CACNA2D3: variants seen among roughly 807,000 people sequenced by gnomAD.
The protein encoded by CACNA2D3 is voltage-dependent calcium channel subunit alpha-2/delta-3.
Under a neutral mutation model 160.6 loss-of-function variants are expected in CACNA2D3, and 60 were observed. The observed-to-expected ratio is 0.37, with a 90% CI of 0.30 to 0.46. The LOEUF is 0.46. CACNA2D3 is among the 20% of genes least tolerant of loss of function. CACNA2D3 has a pLI of 1.00. For synonymous variants in CACNA2D3, 558 were observed against 492.9 expected (o/e 1.13, Z -1.75); for missense variants, 1,205 against 1,365.0 (o/e 0.88, Z 1.85).
intron 11 of CACNA2D3, among the ~76,000 whole-genome samples, chr3:54,651,880 T>C (rs1384569567): frequency 1.3e-5 from 2 of 152,182 alleles, no homozygotes; most frequent in East Asian, 3.8e-4. Flanking sequence ...CCTGAGCTGA[T>C]TCAGGGATTA....
At chr3:55,057,223 ATTAAACCTTTTTCCT>A (rs1465652831) in intron 35 of CACNA2D3, among the ~76,000 whole-genome samples, 1 of 152,176 alleles carries the variant, frequency 6.6e-6, no homozygotes, top group Non-Finnish European at 1.5e-5. Context: ...CCGTGAGTCA[ATTAAACCTTTTTCCT>A]TTATAAATTA....
intron 3 of CACNA2D3, among the ~76,000 whole-genome samples, chr3:54,356,351 C>G (rs1244098816): frequency 6.6e-6 from 1 of 152,168 alleles, no homozygotes; most frequent in African/African-American, 2.4e-5. Context: ...AACTGTCTTT[C>G]AGCTTTGCTT....
chr3:54,489,872 T>G (rs563774522), intron 4 of CACNA2D3, among the ~76,000 whole-genome samples: 27 of 152,154 alleles, frequency 1.8e-4, no homozygotes, highest in Non-Finnish European at 3.7e-4. Context: ...GGATTATAAA[T>G]GAGTTAATAC....
intron 2 of CACNA2D3, among the ~76,000 whole-genome samples, chr3:54,227,350 C>T (rs558429263): frequency 6.6e-6 from 1 of 151,942 alleles, no homozygotes; most frequent in Non-Finnish European, 1.5e-5. Context: ...TTAGTAGCCT[C>T]CTAAAGTTCA....
chr3:54,263,856 A>G (rs1702450824), intron 2 of CACNA2D3, among the ~76,000 whole-genome samples: 1 of 152,118 alleles, frequency 6.6e-6, no homozygotes, highest in South Asian at 2.1e-4. Flanking sequence ...CAGGGCTGGA[A>G]TCTCATCCCC....
chr3:54,392,541 T>C (rs1004716292), intron 4 of CACNA2D3, among the ~76,000 whole-genome samples: 1 of 152,124 alleles, frequency 6.6e-6, no homozygotes, highest in Non-Finnish European at 1.5e-5. Context: ...AGAAGTGTGG[T>C]GACATTCAGA....
chr3:54,724,058 A>G (rs1005427554), intron 11 of CACNA2D3, among the ~76,000 whole-genome samples: 1 of 152,222 alleles, frequency 6.6e-6, no homozygotes, highest in Non-Finnish European at 1.5e-5. Context: ...GCTGAAAATG[A>G]AGGGATGGAG....
intron 29 of CACNA2D3, among the ~76,000 whole-genome samples, chr3:54,974,188 A>G (rs1380841626): frequency 6.6e-6 from 1 of 152,216 alleles, no homozygotes; most frequent in East Asian, 1.9e-4. Flanking sequence ...GCATTAGGAT[A>G]CTTGTAAAAA....
chr3:54,612,660 A>G (rs1423148116), intron 9 of CACNA2D3, among the ~76,000 whole-genome samples: 1 of 152,190 alleles, frequency 6.6e-6, no homozygotes, highest in Admixed American at 6.5e-5. Context: ...TACTCATGAA[A>G]TCTACTGCCT....
At chr3:54,384,978 C>T (rs941096087) in intron 3 of CACNA2D3, among the ~76,000 whole-genome samples, 1 of 152,156 alleles carries the variant, frequency 6.6e-6, no homozygotes, top group Non-Finnish European at 1.5e-5. Flanking sequence ...GCCTCTGCCT[C>T]CCAAAGTGCT....
chr3:54,146,848 G>A (rs1339715154), intron 2 of CACNA2D3, among the ~76,000 whole-genome samples: 2 of 152,386 alleles, frequency 1.3e-5, no homozygotes, highest in East Asian at 1.9e-4. Flanking sequence ...AGAGGCAGAC[G>A]TGGAGGCTGC....
intron 9 of CACNA2D3, among the ~76,000 whole-genome samples, chr3:54,588,353 G>A (rs1043207592): frequency 6.6e-6 from 1 of 152,116 alleles, no homozygotes; most frequent in Non-Finnish European, 1.5e-5. Context: ...GAAACCTACA[G>A]GTAACATCAA....
At chr3:54,657,488 G>A (rs1014535200) in intron 11 of CACNA2D3, among the ~76,000 whole-genome samples, 23 of 152,058 alleles carry the variant, frequency 1.5e-4, no homozygotes, top group Admixed American at 5.2e-4. Context: ...TTCTCATCTT[G>A]TATAACGGTA....
intron 17 of CACNA2D3, among the ~76,000 whole-genome samples, chr3:54,859,731 G>A (rs532515870): frequency 6.6e-6 from 1 of 152,052 alleles, no homozygotes; most frequent in Admixed American, 6.6e-5. Flanking sequence ...CTCCAACCTG[G>A]TAGCCTCTGG....
chr3:54,491,852 A>G (rs1575486613), intron 4 of CACNA2D3, among the ~76,000 whole-genome samples: 1 of 152,150 alleles, frequency 6.6e-6, no homozygotes, highest in African/African-American at 2.4e-5. Context: ...CTGGGGAGTA[A>G]TGAGTTTTGA....
intron 4 of CACNA2D3, among the ~76,000 whole-genome samples, chr3:54,499,565 A>G (rs1701255221): frequency 6.6e-6 from 1 of 151,938 alleles, no homozygotes; most frequent in African/African-American, 2.4e-5. Context: ...TTTCCTTGTA[A>G]GCTTTGCTTT....
chr3:54,252,661 T>C (rs1388120255), intron 2 of CACNA2D3, among the ~76,000 whole-genome samples: 4 of 152,156 alleles, frequency 2.6e-5, no homozygotes, highest in Non-Finnish European at 5.9e-5. Context: ...TGCTCTCTGC[T>C]CTGTTCTCCC....
chr3:54,793,434 A>C (rs564005633), intron 13 of CACNA2D3, among the ~76,000 whole-genome samples: 127 of 152,328 alleles, frequency 8.3e-4, no homozygotes, highest in African/African-American at 2.9e-3. Context: ...AAGCTTTTCA[A>C]ATGTAGGCAA....
chr3:54,584,185 A>C (rs1702723555), intron 9 of CACNA2D3, among the ~76,000 whole-genome samples: 1 of 152,220 alleles, frequency 6.6e-6, no homozygotes, highest in South Asian at 2.1e-4. Flanking sequence ...AATGCCACGA[A>C]CTGGGAAAAT....
Sources: allele counts gnomAD v4.1 joint callset (sites outside exome capture counted in the v4.1 genomes callset), GRCh38; gene constraint gnomAD v4.1.1; transcripts MANE v1.5; gene names NCBI Gene and HGNC (gene_info 2026-07-23, HGNC 2026-07-21).